Variants in NLGN1 observed in about 807,000 individuals in gnomAD.
NLGN1 encodes the protein neuroligin 1.
A neutral mutation model predicts 65.5 loss-of-function variants in NLGN1; 12 were observed. That is an observed-to-expected ratio of 0.18 (90% CI 0.12 to 0.30). The LOEUF is 0.30. Among genes scored for constraint, NLGN1 ranks in the 10% least tolerant of loss-of-function variants. The probability of loss-of-function intolerance (pLI) is 1.00; values close to 1 mark genes in which losing one functional copy is unlikely to be tolerated. For synonymous variants in NLGN1, 350 were observed against 359.5 expected, an observed-to-expected ratio of 0.97 and a Z score of 0.30; for missense variants, 750 against 1,007.1, an observed-to-expected ratio of 0.74 and a Z score of 3.46.
chr3:174,185,491 G>A (rs1211872349), intron 4 of NLGN1, among the ~76,000 whole-genome samples: 1 of 151,998 alleles, frequency 6.6e-6, no homozygotes, highest in African/African-American at 2.4e-5. Flanking sequence ...CTGGCTAGTG[G>A]CTACTGTACT....
chr3:173,843,326 T>C, intron 4 of NLGN1, among the ~76,000 whole-genome samples: 1 of 148,112 alleles, frequency 6.8e-6, no homozygotes, highest in South Asian at 2.1e-4. Flanking sequence ...TCCTATTGTC[T>C]TGGGGATTAG....
chr3:173,761,474 G>T (rs1777959815), intron 3 of NLGN1, among the ~76,000 whole-genome samples: 2 of 151,966 alleles, frequency 1.3e-5, no homozygotes, highest in South Asian at 4.1e-4. Flanking sequence ...CCAAAATACA[G>T]TTCAACTGAG....
At chr3:173,445,565 A>G (rs947570370) in intron 2 of NLGN1, among the ~76,000 whole-genome samples, 1 of 152,202 alleles carries the variant, frequency 6.6e-6, no homozygotes, top group Admixed American at 6.5e-5. Context: ...TGCTCTTCCC[A>G]TACAGTGAGC....
At chr3:173,650,399 A>T (rs1758974564) in intron 3 of NLGN1, among the ~76,000 whole-genome samples, 1 of 152,184 alleles carries the variant, frequency 6.6e-6, no homozygotes, top group African/African-American at 2.4e-5. Context: ...ATTCCTAGAA[A>T]GGGAACTGTT....
At chr3:173,956,643 A>G (rs1023910281) in intron 4 of NLGN1, among the ~76,000 whole-genome samples, 5 of 152,102 alleles carry the variant, frequency 3.3e-5, no homozygotes, top group Non-Finnish European at 7.4e-5. Context: ...ATGGTTGAGT[A>G]TTTCTGAAGT....
rs551734024 is a variant in NLGN1 at position 173,937,739 on chromosome 3, A to C, written c.646+129907A>C. On this transcript the variant is annotated intron_variant, in intron 4 of 6. Transcript: ENST00000457714. ...AACATCTTTGCATTATATCTCTGCAAAATGTTGGGGTTTTGTAAAAATGTG... is the reference window on the plus strand; with the variant it reads ...AACATCTTTGCATTATATCTCTGCACAATGTTGGGGTTTTGTAAAAATGTG... 4.4e-4 allele frequency among the ~76,000 whole-genome samples: 67 copies of C among 152,254 alleles called. 1 individual carries two copies. The highest frequency in any genetic ancestry group is 8.8e-5 in the Non-Finnish European group (6 of 68,014).
At chr3:174,006,957 A>G (rs773599452) in intron 4 of NLGN1, among the ~76,000 whole-genome samples, 2 of 152,142 alleles carry the variant, frequency 1.3e-5, no homozygotes, top group Non-Finnish European at 2.9e-5. Context: ...AATCCCAGCT[A>G]CTTGGGAGGC....
chr3:174,268,345 A>C (rs140684423), intron 4 of NLGN1, among the ~76,000 whole-genome samples: 34 of 152,140 alleles, frequency 2.2e-4, no homozygotes, highest in African/African-American at 8.0e-4. Flanking sequence ...AATAGCCTAA[A>C]TCAGGGAGTG....
intron 4 of NLGN1, among the ~76,000 whole-genome samples, chr3:173,970,519 A>G (rs971348205): frequency 1.3e-5 from 2 of 152,206 alleles, no homozygotes; most frequent in East Asian, 1.9e-4. Context: ...TGGAAGCCAG[A>G]TGATGAAGGG....
intron 4 of NLGN1, among the ~76,000 whole-genome samples, chr3:173,976,214 A>G (rs1717420048): frequency 6.6e-6 from 1 of 152,062 alleles, no homozygotes; most frequent in Non-Finnish European, 1.5e-5. Context: ...AATTTTGCAT[A>G]TATTTTTGTA....
At chr3:173,804,646 G>C (rs1383686700) in intron 3 of NLGN1, among the ~76,000 whole-genome samples, 1 of 93,288 alleles carries the variant, frequency 1.1e-5, no homozygotes, top group Admixed American at 1.2e-4. Context: ...CCTTTAGATT[G>C]CTATTTACAT....
In NLGN1 at chr3:174,037,338, T is replaced by C. The variant is rs188902040; in HGVS notation, c.646+229506T>C. 5.9e-5 allele frequency among the ~76,000 whole-genome samples: 9 copies of C among 152,322 alleles called. No homozygotes were observed. The East Asian group carries it at 1.7e-3, about 29-fold the overall frequency. ...GTATAGACATACTTTCATTTGCCTT[T>C]GTTTCTGTTTAAAAACTAAATAATC... On this transcript the variant is annotated intron_variant, in intron 4 of 6. Transcript: ENST00000457714.
chr3:173,995,114 T>G (rs1721993154), intron 4 of NLGN1, among the ~76,000 whole-genome samples: 1 of 152,252 alleles, frequency 6.6e-6, no homozygotes, highest in South Asian at 2.1e-4. Context: ...TTTGCAATGT[T>G]TGCTTGCATA....
At chr3:173,668,998 A>G (rs1296288159) in intron 3 of NLGN1, among the ~76,000 whole-genome samples, 1 of 152,210 alleles carries the variant, frequency 6.6e-6, no homozygotes, top group Non-Finnish European at 1.5e-5. Context: ...TAGATATGGC[A>G]AACCCCCATG....
chr3:174,264,392 T>C (rs2152864119), intron 4 of NLGN1, among the ~76,000 whole-genome samples: 1 of 144,946 alleles, frequency 6.9e-6, no homozygotes, highest in East Asian at 2.2e-4. Flanking sequence ...CTTTTTATTC[T>C]TTTTTCTCTA....
At chr3:173,911,987 A>G (rs894497999) in intron 4 of NLGN1, among the ~76,000 whole-genome samples, 2 of 152,194 alleles carry the variant, frequency 1.3e-5, no homozygotes, top group African/African-American at 2.4e-5. Context: ...TGTATTTACA[A>G]TGTGCTAAAT....
intron 4 of NLGN1, among the ~76,000 whole-genome samples, chr3:173,885,010 A>G (rs1201583113): frequency 6.6e-6 from 1 of 152,190 alleles, no homozygotes; most frequent in African/African-American, 2.4e-5. Context: ...GCCCACTCTT[A>G]TGACTTAATC....
At chr3:173,457,175 A>G (rs953186070) in intron 2 of NLGN1, among the ~76,000 whole-genome samples, 4 of 152,110 alleles carry the variant, frequency 2.6e-5, no homozygotes, top group Non-Finnish European at 4.4e-5. Context: ...ACTGAGCTTC[A>G]TTATCATTAT....
chr3:173,755,078 C>T (rs1165001202), intron 3 of NLGN1, among the ~76,000 whole-genome samples: 2 of 151,966 alleles, frequency 1.3e-5, no homozygotes, highest in Non-Finnish European at 2.9e-5. Flanking sequence ...TGAAACATTC[C>T]CTGACAATAT....
Sources: allele counts gnomAD v4.1 joint callset (sites outside exome capture counted in the v4.1 genomes callset), GRCh38; gene constraint gnomAD v4.1.1; transcripts MANE v1.5; gene names NCBI Gene and HGNC (gene_info 2026-07-23, HGNC 2026-07-21).